Variants in SCRIB observed in about 807,000 individuals in gnomAD.
SCRIB encodes the protein protein scribble homolog.
SCRIB carries 72 observed loss-of-function variants against 170.0 expected under a neutral mutation model. That is an observed-to-expected ratio of 0.42 (90% CI 0.35 to 0.52). The LOEUF is 0.52. Ranked by LOEUF, SCRIB falls within the 20% of genes least tolerant of loss-of-function variation. The pLI is 0.02. For missense variants in SCRIB, 2,475 were observed against 2,338.5 expected, an observed-to-expected ratio of 1.06 and a Z score of -1.20; for synonymous variants, 1,298 against 1,044.3, an observed-to-expected ratio of 1.24 and a Z score of -4.68.
intron 21 of SCRIB, 91 bp from the exon 22 acceptor site, chr8:143,804,247 G>T (rs1281792920): frequency 4.0e-6 from 4 of 992,962 alleles, no homozygotes; most frequent in Non-Finnish European, 5.9e-6. Context: ...GGTCCTTGGG[G>T]ATGGCGGGCG....
intron 24 of SCRIB, among the ~76,000 whole-genome samples, chr8:143,800,847 C>G (rs1554634854): frequency 6.6e-6 from 1 of 152,278 alleles, no homozygotes; most frequent in African/African-American, 2.4e-5. Flanking sequence ...CTACTCCAGC[C>G]TGGGCGACAG....
In SCRIB at chr8:143,792,968, C is replaced by A. The variant is rs781845296; in HGVS notation, c.4017+8G>T. 35 of 1,501,736 alleles carry A rather than the reference C, an allele frequency of 2.3e-5. No homozygotes were observed. In the African/African-American group the frequency reaches 4.6e-4, roughly 20 times the overall value. The allele number at this position is 1,501,736 out of a possible 1,614,324, so 93.0% of individuals were successfully genotyped here. On this transcript the variant is annotated splice_region_variant and intron_variant, in intron 29 of 36. Transcript: ENST00000356994. Reference sequence around the variant, plus strand: ...CGCGCAGCAGGGAGGCGTGCTGCCCCCACACACCTGGGCAGGGGCATCCTC... The same window carrying A: ...CGCGCAGCAGGGAGGCGTGCTGCCCACACACACCTGGGCAGGGGCATCCTC...
intron 24 of SCRIB, among the ~76,000 whole-genome samples, chr8:143,801,044 C>CA (rs1316606009): frequency 8.5e-5 from 13 of 152,238 alleles, no homozygotes; most frequent in Admixed American, 1.3e-4. Flanking sequence ...AAACCTGCTA[C>CA]AAAGTGAGGG....
At chr8:143,806,741 C>T (rs1554636669) in intron 17 of SCRIB, among the ~76,000 whole-genome samples, 183 bp downstream of exon 17, 2 of 152,212 alleles carry the variant, frequency 1.3e-5, no homozygotes, top group Non-Finnish European at 1.5e-5. Flanking sequence ...GAAGGGAAGA[C>T]AGACCCAGGC....
At chr8:143,811,970 C>T (rs1047338618) in intron 9 of SCRIB, among the ~76,000 whole-genome samples, 4 of 152,206 alleles carry the variant, frequency 2.6e-5, no homozygotes, top group African/African-American at 7.2e-5. Context: ...TCCCTACAGA[C>T]AAATAAGTTC....
At position 143,795,452 on chromosome 8, in the gene SCRIB, C is replaced by G. The variant is rs145935564; in HGVS notation, c.3682G>C (p.Asp1228His). 1 of 1,613,094 alleles carries G rather than the reference C, an allele frequency of 6.2e-7. No homozygotes were observed. Among genetic ancestry groups the G allele is most frequent in the Admixed American group, 1.7e-5 (1 of 59,978 alleles). ...RNSLESISSI[D>H]RELSPEGPGK... The stretch of plus-strand genomic sequence containing the variant: ...GGGCCCTCAGGGCTCAGCTCCCGGT[C>G]GATGGAAGAGATGCTCTCCAGGCTG... Residue 1228 changes from aspartate to histidine, a missense_variant, in exon 25 of 37, where the codon GAC becomes CAC. Asp to His is a moderately conservative substitution (Grantham distance 81). Coordinates refer to ENST00000356994, the MANE Select transcript of SCRIB (RefSeq NM_182706.5).
chr8:143,810,863 CTG>C (rs1472597292), intron 11 of SCRIB, 41 bp downstream of exon 11: 1 of 1,607,768 alleles, frequency 6.2e-7, no homozygotes, highest in Non-Finnish European at 8.5e-7. Flanking sequence ...CAAACCCTGC[CTG>C]AGAGCCACCC....
At chr8:143,809,745 C>A (rs371680988) in intron 13 of SCRIB, 27 bp from the exon 14 acceptor site, 1 of 1,596,704 alleles carries the variant, frequency 6.3e-7, no homozygotes, top group South Asian at 1.1e-5. Context: ...GGTCAGGCTT[C>A]GACGGAGCTC....
chr8:143,803,284 G>T, intron 24 of SCRIB, 99 bp downstream of exon 24: 1 of 1,189,350 alleles, frequency 8.4e-7, no homozygotes, highest in Non-Finnish European at 1.1e-6. Flanking sequence ...AGACCCAGAG[G>T]CACAGGGGAC....
At chr8:143,800,416 G>A (rs1270346175) in intron 24 of SCRIB, among the ~76,000 whole-genome samples, 3 of 152,188 alleles carry the variant, frequency 2.0e-5, no homozygotes, top group African/African-American at 7.2e-5. Flanking sequence ...ACCTCCACAG[G>A]ACCAGGGGCT....
In SCRIB at chr8:143,810,753, C is replaced by T; in HGVS notation, c.1337G>A (p.Ser446Asn). The change falls in exon 12 of 37, where the codon AGC becomes AAC. Residue 446 changes from serine (S) to asparagine (N), a missense_variant. This residue lies in a region of SCRIB where 1,966 missense variants were observed against 1,742.9 expected (regional missense o/e 1.13). Transcript: ENST00000356994. ...TWSDAPPSRV[S>N]VIQFLEAPIG... ...GGGGGCCTCCAGGAACTGGATGACG[C>T]TGACGCGGCTCGGCGGGGCATCGCT... 1.2e-6 allele frequency: 2 copies of T among 1,608,716 alleles called. No homozygotes were observed.
At chr8:143,803,989 C>A (rs151042035) in intron 22 of SCRIB, 49 bp from the exon 23 acceptor site, 2 of 1,574,062 alleles carry the variant, frequency 1.3e-6, no homozygotes, top group Non-Finnish European at 1.7e-6. Context: ...CGCTGACCTG[C>A]GCTGGTACCT....
chr8:143,791,969 C>T (rs1438814661), intron 33 of SCRIB, 22 bp downstream of exon 33: 74 of 1,488,038 alleles, frequency 5.0e-5, no homozygotes, highest in Admixed American at 2.2e-4. Flanking sequence ...CTGACCCCCC[C>T]GACCTGCCCT....
intron 24 of SCRIB, among the ~76,000 whole-genome samples, chr8:143,800,243 A>G (rs1203105433): frequency 6.6e-6 from 1 of 152,196 alleles, no homozygotes; most frequent in Non-Finnish European, 1.5e-5. Flanking sequence ...TACTTAGCAG[A>G]TAAGAGGACT....
At position 143,806,613 on chromosome 8, in the gene SCRIB, G is replaced by A. The variant is rs1230479536; in HGVS notation, c.2269-129C>T. The stretch of plus-strand genomic sequence containing the variant: ...TAGCCCTGGCCAGCAGGAGGACTGA[G>A]CTCTAGCCACTGTGGGATCCTGAGT... On this transcript the variant is annotated intron_variant, in intron 17 of 36. Transcript: ENST00000356994. 46 of 747,984 alleles carry A rather than the reference G, an allele frequency of 6.1e-5. 1 individual carries two copies. Among genetic ancestry groups the A allele is most frequent in the Non-Finnish European group, 9.4e-5 (42 of 448,872 alleles). 46.3% of individuals were successfully genotyped at this position (747,984 alleles called of 1,614,324 possible). A position where few individuals can be genotyped will look rare whatever the true frequency, so the allele number is the denominator to read the frequency against.
At position 143,815,756 on chromosome 8, in the gene SCRIB, C is replaced by G; in HGVS notation, c.-384G>C. The stretch of plus-strand genomic sequence containing the variant: ...ACACCCACCCGGCCGCCGCGCAGCC[C>G]GTCGGGAAGCCGAGTCCGGCCCTCG... On this transcript the variant is annotated 5_prime_UTR_variant, in exon 1 of 37. Transcript: ENST00000356994. 1.5e-5 allele frequency: 15 copies of G among 984,348 alleles called. No individual in the cohort carries two copies. Among genetic ancestry groups the G allele is most frequent in the Non-Finnish European group, 1.8e-5 (15 of 829,590 alleles). The allele number at this position is 984,348 out of a possible 1,614,324, so 61.0% of individuals were successfully genotyped here. A position where few individuals can be genotyped will look rare whatever the true frequency, so the allele number is the denominator to read the frequency against.
chr8:143,805,476 C>T (rs781863300), intron 18 of SCRIB, 41 bp from the exon 19 acceptor site: 22 of 1,434,926 alleles, frequency 1.5e-5, no homozygotes, highest in Middle Eastern at 1.8e-4. Context: ...GACCCAGTGC[C>T]GCCACAGACA....
Position 143,791,786 on chromosome 8 carries a change from G to T in SCRIB, c.4696-46C>A, listed in dbSNP as rs202102895. 8.6e-5 allele frequency: 129 copies of T among 1,504,654 alleles called. 1 individual carries two copies. In the Middle Eastern group the frequency reaches 8.6e-4, roughly 10 times the overall value. The allele number at this position is 1,504,654 out of a possible 1,614,324, so 93.2% of individuals were successfully genotyped here. On this transcript the variant is annotated intron_variant, in intron 34 of 36. Coordinates refer to ENST00000356994, the MANE Select transcript of SCRIB (RefSeq NM_182706.5). ...GGAGAGGCAGAGAGTGAGAGGAAAG[G>T]GGGGGATGAGGGCCACGGGGGTGGG...
intron 29 of SCRIB, 31 bp from the exon 30 acceptor site, chr8:143,792,898 G>A: frequency 6.7e-7 from 1 of 1,500,886 alleles, no homozygotes. Flanking sequence ...GGTTTGGCTG[G>A]CATTCCTCCG....
Sources: allele counts gnomAD v4.1 joint callset (sites outside exome capture counted in the v4.1 genomes callset), GRCh38; gene constraint gnomAD v4.1.1; regional missense constraint gnomAD v4.1.1; transcripts MANE v1.5; gene names NCBI Gene and HGNC (gene_info 2026-07-23, HGNC 2026-07-21).